RNGTT: variants seen among roughly 807,000 people sequenced by gnomAD.
RNGTT encodes the protein mRNA-capping enzyme.
Under a neutral mutation model 79.3 loss-of-function variants are expected in RNGTT, and 33 were observed. That is an observed-to-expected ratio of 0.42 (90% confidence interval 0.32 to 0.56). RNGTT has a LOEUF of 0.56. RNGTT is among the 20% of genes least tolerant of loss of function. The probability of loss-of-function intolerance (pLI) is 0.17; values close to 1 mark genes in which losing one functional copy is unlikely to be tolerated. For synonymous variants in RNGTT, 222 were observed against 235.9 expected (o/e 0.94, Z 0.54); for missense variants, 497 against 739.1 (o/e 0.67, Z 3.80).
At chr6:88,771,303 A>ATGTGTG (rs373169358) in intron 12 of RNGTT, among the ~76,000 whole-genome samples, 4,112 of 81,396 alleles carry the variant, frequency 0.051, 237 homozygotes, top group Non-Finnish European at 0.066. Context: ...GTATGTATGT[A>ATGTGTG]TGTGTGTGTG....
intron 12 of RNGTT, among the ~76,000 whole-genome samples, chr6:88,785,054 T>G (rs1366936300): frequency 6.6e-6 from 1 of 152,146 alleles, no homozygotes; most frequent in Non-Finnish European, 1.5e-5. Flanking sequence ...ATTAAAATTA[T>G]ACCACTGTAA....
In RNGTT at chr6:88,670,780, C is replaced by A. The variant is rs576068374; in HGVS notation, c.1506+7573G>T. Among the ~76,000 whole-genome samples, 5 of 152,322 alleles carry A rather than the reference C, an allele frequency of 3.3e-5. No homozygotes were observed. In the South Asian group the frequency reaches 8.3e-4, roughly 25 times the overall value. On this transcript the variant is annotated intron_variant, in intron 14 of 15. Transcript: ENST00000369485. ...CCCCCACTTGCACAATGTATCATGA[C>A]CCTTTCACGTGGACCCCTCAGAGTT...
intron 6 of RNGTT, among the ~76,000 whole-genome samples, chr6:88,897,325 C>A (rs1783284488): frequency 1.3e-5 from 2 of 152,168 alleles, no homozygotes; most frequent in African/African-American, 4.8e-5. Flanking sequence ...CTGAAACTTA[C>A]TGAGGAAAAA....
intron 14 of RNGTT, among the ~76,000 whole-genome samples, chr6:88,653,987 G>T (rs760164227): frequency 6.6e-6 from 1 of 152,088 alleles, no homozygotes; most frequent in Non-Finnish European, 1.5e-5. Context: ...AAAAGCACCT[G>T]GGTAGGAGAA....
chr6:88,671,692 C>G (rs796825732), intron 14 of RNGTT, among the ~76,000 whole-genome samples: 1 of 152,244 alleles, frequency 6.6e-6, no homozygotes, highest in South Asian at 2.1e-4. Flanking sequence ...TCACATTACC[C>G]AACGGCAAAC....
intron 13 of RNGTT, among the ~76,000 whole-genome samples, chr6:88,696,870 TG>T (rs1271851546): frequency 6.6e-6 from 1 of 152,160 alleles, no homozygotes; most frequent in Non-Finnish European, 1.5e-5. Context: ...AAAGATGCTC[TG>T]GAGACTAGAA....
intron 14 of RNGTT, among the ~76,000 whole-genome samples, chr6:88,624,668 G>C (rs1055350989): frequency 2.0e-5 from 3 of 151,712 alleles, no homozygotes; most frequent in African/African-American, 7.3e-5. Context: ...CCTAGGGTTA[G>C]GCAAAATTTC....
intron 12 of RNGTT, among the ~76,000 whole-genome samples, chr6:88,788,329 C>T (rs1779297145): frequency 6.6e-6 from 1 of 151,850 alleles, no homozygotes; most frequent in African/African-American, 2.4e-5. Flanking sequence ...GACGGAAGAG[C>T]TCGAAAGGGA....
intron 13 of RNGTT, among the ~76,000 whole-genome samples, chr6:88,685,526 G>A (rs1304936441): frequency 1.3e-5 from 2 of 151,564 alleles, no homozygotes; most frequent in African/African-American, 4.9e-5. Flanking sequence ...CTTCAGAGAG[G>A]AGAGGGGAGA....
At chr6:88,735,875 A>G (rs1047785847) in intron 13 of RNGTT, among the ~76,000 whole-genome samples, 1 of 152,122 alleles carries the variant, frequency 6.6e-6, no homozygotes, top group East Asian at 1.9e-4. Flanking sequence ...AGAGAATATC[A>G]ATAAAACCAA....
chr6:88,955,736 A>T (rs926433403), intron 1 of RNGTT, among the ~76,000 whole-genome samples: 15 of 152,014 alleles, frequency 9.9e-5, no homozygotes, highest in Non-Finnish European at 1.3e-4. Context: ...AACATCCACA[A>T]AAGATTAACA....
chr6:88,735,324 G>A (rs1033798806), intron 13 of RNGTT, among the ~76,000 whole-genome samples: 8 of 152,130 alleles, frequency 5.3e-5, no homozygotes, highest in East Asian at 1.9e-4. Context: ...AACACTAATC[G>A]ACTGAATTCA....
chr6:88,961,861 C>A (rs761258650), intron 1 of RNGTT, among the ~76,000 whole-genome samples: 6 of 152,188 alleles, frequency 3.9e-5, no homozygotes, highest in Non-Finnish European at 7.3e-5. Flanking sequence ...ATGTTCACAG[C>A]AGGTTTATTT....
intron 2 of RNGTT, among the ~76,000 whole-genome samples, chr6:88,932,728 G>C (rs1301258648): frequency 6.6e-6 from 1 of 152,106 alleles, no homozygotes; most frequent in Non-Finnish European, 1.5e-5. Context: ...TATTACTTCT[G>C]TTGAGCTGAA....
chr6:88,782,529 C>T (rs1376895081), intron 12 of RNGTT, among the ~76,000 whole-genome samples: 1 of 150,768 alleles, frequency 6.6e-6, no homozygotes, highest in Non-Finnish European at 1.5e-5. Context: ...GCACAGGCAA[C>T]AGAAGCAAAA....
chr6:88,629,653 C>T (rs1772771263), intron 14 of RNGTT, among the ~76,000 whole-genome samples: 2 of 152,068 alleles, frequency 1.3e-5, no homozygotes, highest in South Asian at 4.1e-4. Flanking sequence ...CATTTTTGGA[C>T]GTTCACCACT....
At chr6:88,747,954 A>C (rs552037953) in intron 13 of RNGTT, among the ~76,000 whole-genome samples, 18 of 152,266 alleles carry the variant, frequency 1.2e-4, no homozygotes, top group African/African-American at 4.1e-4. Flanking sequence ...GTACCACACA[A>C]GGAAGAGAAT....
intron 13 of RNGTT, among the ~76,000 whole-genome samples, chr6:88,742,014 A>G (rs1382173373): frequency 3.9e-5 from 6 of 152,230 alleles, no homozygotes; most frequent in Admixed American, 3.3e-4. Flanking sequence ...TGAAACATAC[A>G]TACTTCATTA....
Position 88,943,354 on chromosome 6 carries a change from C to T in RNGTT, c.65-2174G>A, listed in dbSNP as rs575785463. ...CCAAAACCTTTTAGGTTATCCTTGC[C>T]TATTCTCCTTTTCTCACACCCAACA... On this transcript the variant is annotated intron_variant, in intron 1 of 15. Coordinates refer to ENST00000369485, the MANE Select transcript of RNGTT (RefSeq NM_003800.5). 2.0e-4 allele frequency among the ~76,000 whole-genome samples: 31 copies of T among 152,260 alleles called. No homozygotes were observed. The South Asian group carries it at 6.0e-3, about 29-fold the overall frequency.
Sources: allele counts gnomAD v4.1 joint callset (sites outside exome capture counted in the v4.1 genomes callset), GRCh38; gene constraint gnomAD v4.1.1; transcripts MANE v1.5; gene names NCBI Gene and HGNC (gene_info 2026-07-23, HGNC 2026-07-21).